Variants in OSBPL6 observed in about 807,000 individuals in gnomAD.
OSBPL6 encodes the protein oxysterol binding protein like 6.
OSBPL6 carries 49 observed loss-of-function variants against 125.8 expected under a neutral mutation model. The ratio of observed to expected loss-of-function variants is 0.39; its 90% CI spans 0.31 to 0.49. The LOEUF (loss-of-function observed/expected upper bound fraction) is 0.49, where lower values mean the gene tolerates loss of function less well. Among genes scored for constraint, OSBPL6 ranks in the 20% least tolerant of loss-of-function variants. The probability of loss-of-function intolerance (pLI) is 0.88; values close to 1 mark genes in which losing one functional copy is unlikely to be tolerated. For synonymous variants in OSBPL6, 394 were observed against 391.8 expected (o/e 1.01, Z -0.07); for missense variants, 986 against 1,135.4 (o/e 0.87, Z 1.89).
At position 178,386,726 on chromosome 2, in the gene OSBPL6, C is replaced by G. The variant is rs201875090; in HGVS notation, c.2078-335C>G. Among the ~76,000 whole-genome samples, 6 of 52,416 alleles carry G rather than the reference C, an allele frequency of 1.1e-4. No homozygotes were observed. The East Asian group carries it at 4.4e-3, about 38-fold the overall frequency. The allele number at this position is 52,416 out of a possible 152,430, so 34.4% of individuals were successfully genotyped here. Reference sequence around the variant, plus strand: ...TAAAATGTGAATACACACACACAGACACACACACACACACACACACACACC... The same window carrying G: ...TAAAATGTGAATACACACACACAGAGACACACACACACACACACACACACC... On this transcript the variant is annotated intron_variant, in intron 19 of 24. Coordinates refer to ENST00000190611, the MANE Select transcript of OSBPL6 (RefSeq NM_032523.4).
At chr2:178,340,939 T>C (rs1353493003) in intron 11 of OSBPL6, among the ~76,000 whole-genome samples, 4 of 152,220 alleles carry the variant, frequency 2.6e-5, no homozygotes, top group Non-Finnish European at 5.9e-5. Context: ...CACAACTTTT[T>C]GTGTTCCTTT....
At chr2:178,378,282 C>A (rs1694076058) in intron 15 of OSBPL6, among the ~76,000 whole-genome samples, 1 of 152,194 alleles carries the variant, frequency 6.6e-6, no homozygotes, top group Admixed American at 6.5e-5. Flanking sequence ...CACTGTGTCT[C>A]CTGCACTAAA....
chr2:178,238,585 A>C (rs529322337), intron 1 of OSBPL6, among the ~76,000 whole-genome samples: 1 of 152,320 alleles, frequency 6.6e-6, no homozygotes, highest in East Asian at 1.9e-4. Context: ...CGAATCTTCT[A>C]TCTGTAAAAT....
chr2:178,271,685 G>A (rs766911133), intron 1 of OSBPL6, among the ~76,000 whole-genome samples: 7 of 152,060 alleles, frequency 4.6e-5, no homozygotes, highest in Non-Finnish European at 1.0e-4. Context: ...ACCTCGATTT[G>A]CATGTGACAA....
At chr2:178,343,180 G>A (rs1420321623) in intron 11 of OSBPL6, among the ~76,000 whole-genome samples, 1 of 152,070 alleles carries the variant, frequency 6.6e-6, no homozygotes, top group African/African-American at 2.4e-5. Context: ...TTCAGTTTGG[G>A]CTGTTAGGAG....
At chr2:178,358,551 A>G (rs1692035025) in intron 12 of OSBPL6, among the ~76,000 whole-genome samples, 1 of 152,180 alleles carries the variant, frequency 6.6e-6, no homozygotes, top group African/African-American at 2.4e-5. Context: ...TCCACATGTA[A>G]AAGAATGAAA....
intron 11 of OSBPL6, 50 bp downstream of exon 11, chr2:178,339,814 A>G (rs772166565): frequency 3.4e-5 from 48 of 1,401,000 alleles, no homozygotes; most frequent in South Asian, 4.1e-5. Flanking sequence ...TTTTTAAAGT[A>G]CTAGTCTTTA....
rs1345081938 is a variant in OSBPL6 at position 178,349,316 on chromosome 2, C to G, written c.1080C>G (p.His360Gln). Residue 360 changes from histidine (H) to glutamine (Q), a missense_variant, in exon 12 of 25, where the codon CAC becomes CAG. Physicochemically the swap from His to Gln is conservative, Grantham distance 24 (BLOSUM62 0). Around this residue, in one of 3 missense-constraint regions of OSBPL6, gnomAD observed 843 missense variants for 997.3 expected, o/e 0.85. Coordinates refer to ENST00000190611, the MANE Select transcript of OSBPL6 (RefSeq NM_032523.4). ...TTGAATTTCAGACTCCCCCTAGCCA[C>G]CTCACTGACCCTCTGGAAAGTTCAA... Reference protein sequence around the residue: ...ADIEFQTPPSHLTDPLESSTD... With the variant: ...ADIEFQTPPSQLTDPLESSTD... 3.1e-6 allele frequency: 5 copies of G among 1,614,088 alleles called. No individual in the cohort carries two copies. The highest frequency in any genetic ancestry group is 4.2e-6 in the Non-Finnish European group (5 of 1,180,038).
chr2:178,328,867 A>T (rs570494548), intron 5 of OSBPL6, among the ~76,000 whole-genome samples: 1 of 152,320 alleles, frequency 6.6e-6, no homozygotes, highest in East Asian at 1.9e-4. Context: ...GATCTGTAAT[A>T]TACATATGGA....
At chr2:178,234,734 G>T (rs899291592) in intron 1 of OSBPL6, among the ~76,000 whole-genome samples, 3 of 152,020 alleles carry the variant, frequency 2.0e-5, no homozygotes, top group African/African-American at 7.3e-5. Flanking sequence ...TATGATCTAG[G>T]GTAGTTTTTC....
Position 178,359,354 on chromosome 2 carries a change from C to T in OSBPL6, c.1154-2328C>T, listed in dbSNP as rs565252749. Among the ~76,000 whole-genome samples the T allele has an allele frequency of 6.6e-5, 10 of 152,186 alleles. No homozygotes were observed. In the East Asian group the frequency reaches 7.7e-4, roughly 12 times the overall value. ...GGAAATGCAAATCAAAACCACTATGCGCCACCACCTCACACCTGTTAGGAT... is the reference window on the plus strand; with the variant it reads ...GGAAATGCAAATCAAAACCACTATGTGCCACCACCTCACACCTGTTAGGAT... On this transcript the variant is annotated intron_variant, in intron 12 of 24. Transcript: ENST00000190611.
At chr2:178,268,864 C>T (rs1019553221) in intron 1 of OSBPL6, among the ~76,000 whole-genome samples, 2 of 152,054 alleles carry the variant, frequency 1.3e-5, no homozygotes, top group East Asian at 3.9e-4. Flanking sequence ...CAGCAAGTGA[C>T]ACGCCTGCCC....
intron 1 of OSBPL6, among the ~76,000 whole-genome samples, chr2:178,233,654 G>A (rs1450929542): frequency 6.6e-6 from 1 of 152,192 alleles, no homozygotes; most frequent in Non-Finnish European, 1.5e-5. Flanking sequence ...GATGACACAT[G>A]GGCAGGGAGG....
chr2:178,380,347 A>C (rs1694345247), intron 15 of OSBPL6, among the ~76,000 whole-genome samples: 1 of 146,560 alleles, frequency 6.8e-6, no homozygotes, highest in Admixed American at 7.1e-5. Context: ...GCTACTTGGG[A>C]GGCTGAGGTA....
At chr2:178,319,060 T>G (rs1173419530) in intron 3 of OSBPL6, among the ~76,000 whole-genome samples, 1 of 152,170 alleles carries the variant, frequency 6.6e-6, no homozygotes, top group Non-Finnish European at 1.5e-5. Context: ...AGGTTAATGG[T>G]TTGTCTACGT....
At chr2:178,387,217 T>C in intron 20 of OSBPL6, 78 bp downstream of exon 20, 2 of 1,155,684 alleles carry the variant, frequency 1.7e-6, no homozygotes, top group Non-Finnish European at 2.5e-6. Context: ...CTCTAGAAGA[T>C]GGTAAGGGTT....
intron 21 of OSBPL6, among the ~76,000 whole-genome samples, chr2:178,390,083 G>A (rs1401616402): frequency 6.6e-6 from 1 of 152,168 alleles, no homozygotes; most frequent in Non-Finnish European, 1.5e-5. Context: ...GGCTTTGTAG[G>A]CTATGAGAAG....
rs779599065 is a variant in OSBPL6, at chr2:178,392,544, G to T, written c.2573+6G>T. ...CGGTTCCGGCCAGATCAAAGGTGAG[G>T]ATGGCAGTGGTATTTAATATGCAGA... On this transcript the variant is annotated splice_donor_region_variant and intron_variant, in intron 23 of 24. Transcript: ENST00000190611. The T allele has an allele frequency of 1.1e-5, 17 of 1,613,620 alleles. No homozygotes were observed. In the East Asian group the frequency reaches 3.3e-4, roughly 32 times the overall value.
chr2:178,266,037 C>G (rs2092222634), intron 1 of OSBPL6, among the ~76,000 whole-genome samples: 1 of 152,148 alleles, frequency 6.6e-6, no homozygotes, highest in African/African-American at 2.4e-5. Context: ...GACGGTTAGG[C>G]TGAATTGGGA....
Sources: gnomAD v4.1 joint callset for allele counts (sites outside exome capture counted in the v4.1 genomes callset) on GRCh38, gnomAD v4.1.1 for gene constraint, gnomAD v4.1.1 regional missense constraint, MANE v1.5 for transcripts, NCBI Gene and HGNC (gene_info 2026-07-23, HGNC 2026-07-21) for gene names.